Variants in COL28A1 observed in about 807,000 individuals in gnomAD.
The protein encoded by COL28A1 is collagen type XXVIII alpha 1 chain.
COL28A1 carries 161 observed loss-of-function variants against 150.2 expected under a neutral mutation model. The ratio of observed to expected loss-of-function variants is 1.07; its 90% CI spans 0.94 to 1.22. The LOEUF (loss-of-function observed/expected upper bound fraction) is 1.22. Among genes scored for constraint, COL28A1 ranks in the 50% most tolerant of loss-of-function variants. The pLI, the probability that COL28A1 is intolerant of heterozygous loss-of-function variation, is 0.00. For synonymous variants in COL28A1, 552 were observed against 469.7 expected (o/e 1.18, Z -2.26); for missense variants, 1,617 against 1,388.3 (o/e 1.16, Z -2.62).
At chr7:7,353,945 C>CA (rs1490034024), downstream of COL28A1, among the ~76,000 whole-genome samples, 2 of 151,854 alleles carry the variant, frequency 1.3e-5, no homozygotes, top group African/African-American at 4.8e-5. Context: ...CATCCTACAA[C>CA]AAAAAATATG....
At chr7:7,511,477 T>C (rs6946425) in intron 8 of COL28A1, among the ~76,000 whole-genome samples, 150,018 of 152,336 alleles carry the variant, frequency 0.98, 73,872 homozygotes, top group East Asian at 1. Context: ...CACATAACGG[T>C]CCAGGGAGAT....
intron 27 of COL28A1, among the ~76,000 whole-genome samples, chr7:7,400,978 GTGTGTGTGTGTGT>G (rs1783153569): frequency 1.0e-3 from 85 of 81,284 alleles, no homozygotes; most frequent in African/African-American, 3.0e-3. Context: ...GTATTTGGGT[GTGTGTGTGTGTGT>G]GTGTGTGTGT....
At chr7:7,491,044 AC>A (rs1340399665) in intron 11 of COL28A1, among the ~76,000 whole-genome samples, 1 of 152,206 alleles carries the variant, frequency 6.6e-6, no homozygotes, top group African/African-American at 2.4e-5. Context: ...AAAAGGCATA[AC>A]GCAGCCATCA....
At chr7:7,448,127 C>A (rs1350076054) in intron 18 of COL28A1, among the ~76,000 whole-genome samples, 6 of 152,124 alleles carry the variant, frequency 3.9e-5, no homozygotes, top group African/African-American at 1.2e-4. Flanking sequence ...ATTGCTATTT[C>A]AAGAAATACT....
At chr7:7,442,510 C>T (rs6967835) in intron 20 of COL28A1, among the ~76,000 whole-genome samples, 32,255 of 151,908 alleles carry the variant, frequency 0.21, 4,682 homozygotes, top group African/African-American at 0.41. Flanking sequence ...AAAGGATCCC[C>T]GAGACTGGTA....
chr7:7,372,801 A>G (rs1264638502), intron 32 of COL28A1, among the ~76,000 whole-genome samples, 197 bp downstream of exon 32: 1 of 152,222 alleles, frequency 6.6e-6, no homozygotes, highest in Non-Finnish European at 1.5e-5. Context: ...AACCCTTAAT[A>G]AAGACAAGGG....
chr7:7,381,396 T>G (rs1296914913), intron 28 of COL28A1, 148 bp downstream of exon 28: 1 of 633,100 alleles, frequency 1.6e-6, no homozygotes, highest in East Asian at 2.7e-5. Flanking sequence ...GACAAAGCAA[T>G]GCACGAGGAT....
chr7:7,401,521 G>A (rs10235505), intron 27 of COL28A1, among the ~76,000 whole-genome samples: 58,709 of 151,748 alleles, frequency 0.39, 14,353 homozygotes, highest in African/African-American at 0.7. Context: ...CTATTATATA[G>A]AGTCTCCCAT....
chr7:7,500,035 C>T (rs567483874), intron 11 of COL28A1, among the ~76,000 whole-genome samples: 3 of 152,140 alleles, frequency 2.0e-5, no homozygotes, highest in Non-Finnish European at 2.9e-5. Context: ...TTGTTTAATG[C>T]ACAGGAAGCT....
chr7:7,375,371 A>G (rs1781486146), intron 31 of COL28A1, 90 bp downstream of exon 31: 6 of 1,206,052 alleles, frequency 5.0e-6, no homozygotes. Flanking sequence ...GCTATATAAT[A>G]TACATCTGGA....
chr7:7,389,499 A>G (rs1782403657), intron 27 of COL28A1, among the ~76,000 whole-genome samples: 1 of 151,992 alleles, frequency 6.6e-6, no homozygotes. Context: ...TGATTCCATA[A>G]GATATTTAAA....
chr7:7,502,213 G>C (rs1562849457), intron 11 of COL28A1, among the ~76,000 whole-genome samples: 1 of 152,152 alleles, frequency 6.6e-6, no homozygotes, highest in Non-Finnish European at 1.5e-5. Context: ...ATGTTCTTAT[G>C]AATGCCACAA....
chr7:7,419,798 G>T (rs760695341), intron 26 of COL28A1, 87 bp downstream of exon 26: 15 of 796,840 alleles, frequency 1.9e-5, no homozygotes, highest in African/African-American at 5.3e-5. Context: ...TCAACACCAA[G>T]ACGAACACTT....
intron 25 of COL28A1, among the ~76,000 whole-genome samples, chr7:7,423,884 T>A (rs189043752): frequency 6.6e-6 from 1 of 152,278 alleles, no homozygotes; most frequent in African/African-American, 2.4e-5. Flanking sequence ...GAAGGCCAAC[T>A]GCAGTAGGAC....
At chr7:7,448,810 G>T (rs1376101510) in intron 18 of COL28A1, among the ~76,000 whole-genome samples, 2 of 151,954 alleles carry the variant, frequency 1.3e-5, no homozygotes, top group African/African-American at 4.8e-5. Context: ...CTACAACATG[G>T]ATCTTAGATT....
chr7:7,534,537 A>G (rs1298826357), intron 1 of COL28A1, among the ~76,000 whole-genome samples: 1 of 152,192 alleles, frequency 6.6e-6, no homozygotes, highest in African/African-American at 2.4e-5. Flanking sequence ...AGTTCATACC[A>G]TAAGGAACAT....
chr7:7,444,353 C>G, intron 19 of COL28A1, 65 bp downstream of exon 19: 1 of 1,599,896 alleles, frequency 6.3e-7, no homozygotes, highest in African/African-American at 1.3e-5. Context: ...CGAGCTCCTG[C>G]AGGACCAAGA....
chr7:7,374,036 A>AT (rs1281053510), intron 31 of COL28A1, among the ~76,000 whole-genome samples: 5,869 of 77,272 alleles, frequency 0.076, 212 homozygotes, highest in East Asian at 0.31. Flanking sequence ...AAAAAAAAAA[A>AT]AAATATATAT....
At chr7:7,444,173 T>G (rs560142798) in intron 19 of COL28A1, among the ~76,000 whole-genome samples, 1 of 152,008 alleles carries the variant, frequency 6.6e-6, no homozygotes, top group African/African-American at 2.4e-5. Flanking sequence ...CTAGAAATCC[T>G]GAAGAAACTA....
Sources: allele counts gnomAD v4.1 joint callset (sites outside exome capture counted in the v4.1 genomes callset), GRCh38; gene constraint gnomAD v4.1.1; transcripts MANE v1.5; gene names NCBI Gene and HGNC (gene_info 2026-07-23, HGNC 2026-07-21).